The following AGBL4 variants were observed in gnomAD, a reference collection of about 807,000 sequenced individuals.
AGBL4 encodes the protein AGBL carboxypeptidase 4.
Under a neutral mutation model 66.4 loss-of-function variants are expected in AGBL4, and 58 were observed. The observed-to-expected ratio is 0.87, with a 90% confidence interval of 0.71 to 1.09. The LOEUF (loss-of-function observed/expected upper bound fraction) is 1.09. Ranked by LOEUF, AGBL4 falls within the 50% of genes least tolerant of loss-of-function variation. AGBL4 has a pLI of 0.00. For synonymous variants in AGBL4, 234 were observed against 222.9 expected, an observed-to-expected ratio of 1.05 and a Z score of -0.44; for missense variants, 579 against 631.0, an observed-to-expected ratio of 0.92 and a Z score of 0.88.
At chr1:49,631,454 T>C (rs951123123) in intron 3 of AGBL4, among the ~76,000 whole-genome samples, 3 of 152,188 alleles carry the variant, frequency 2.0e-5, no homozygotes, top group Non-Finnish European at 4.4e-5. Flanking sequence ...ACAGTCCTTG[T>C]AGACATGTTT....
intron 3 of AGBL4, among the ~76,000 whole-genome samples, chr1:49,508,558 C>T (rs2148777143): frequency 6.6e-6 from 1 of 152,046 alleles, no homozygotes; most frequent in African/African-American, 2.4e-5. Context: ...TATTGACCCA[C>T]AATGAGAGAG....
At chr1:49,657,951 G>A (rs1646180648) in intron 3 of AGBL4, among the ~76,000 whole-genome samples, 2 of 152,118 alleles carry the variant, frequency 1.3e-5, no homozygotes, top group Non-Finnish European at 2.9e-5. Context: ...GCATGGGCAA[G>A]GACTTCATGT....
chr1:48,837,642 G>A (rs1646706064), intron 6 of AGBL4, among the ~76,000 whole-genome samples: 1 of 148,368 alleles, frequency 6.7e-6, no homozygotes, highest in Non-Finnish European at 1.5e-5. Context: ...TTGTGATTGT[G>A]TGAGTTAATA....
At chr1:49,680,694 T>C (rs1219138115) in intron 3 of AGBL4, among the ~76,000 whole-genome samples, 2 of 152,126 alleles carry the variant, frequency 1.3e-5, no homozygotes, top group Non-Finnish European at 2.9e-5. Context: ...TGTCTTGCCA[T>C]GGTTTTATTT....
chr1:48,783,435 C>T (rs1645342604), intron 6 of AGBL4, among the ~76,000 whole-genome samples: 1 of 152,138 alleles, frequency 6.6e-6, no homozygotes, highest in Non-Finnish European at 1.5e-5. Flanking sequence ...GGCCAATGAA[C>T]ATCACCTGGA....
In AGBL4 at chr1:49,562,134, C is replaced by T. The variant is rs12032418; in HGVS notation, c.282+135179G>A. Among the ~76,000 whole-genome samples, 1,237 of 152,086 alleles carry T rather than the reference C, an allele frequency of 8.1e-3. 12 individuals are homozygous for T. The highest frequency in any genetic ancestry group is 0.031 in the Middle Eastern group (9 of 292). On this transcript the variant is annotated intron_variant, in intron 3 of 13. Transcript: ENST00000371839. ...TTGAGAAGTGTGGGTTCATATCCTT[C>T]GCCGACTTTTTAATGTGGTTGTTTG...
At chr1:49,212,948 T>C (rs1648787058) in intron 4 of AGBL4, among the ~76,000 whole-genome samples, 2 of 152,154 alleles carry the variant, frequency 1.3e-5, no homozygotes, top group Admixed American at 1.3e-4. Context: ...AGCATTTATT[T>C]TTATTTATTA....
chr1:48,757,131 G>A (rs1643976410), intron 6 of AGBL4, among the ~76,000 whole-genome samples: 1 of 152,162 alleles, frequency 6.6e-6, no homozygotes, highest in African/African-American at 2.4e-5. Flanking sequence ...TAGTTTCCCT[G>A]GGAGTTGAAT....
chr1:48,929,585 TC>T (rs1654870759), intron 5 of AGBL4, among the ~76,000 whole-genome samples: 1 of 152,226 alleles, frequency 6.6e-6, no homozygotes, highest in African/African-American at 2.4e-5. Context: ...AACTATATAT[TC>T]AATTAATGCC....
intron 5 of AGBL4, among the ~76,000 whole-genome samples, chr1:48,980,956 T>A (rs904721831): frequency 1.3e-5 from 2 of 151,848 alleles, no homozygotes; most frequent in Non-Finnish European, 2.9e-5. Context: ...GCTTGAAATA[T>A]TAGAAAGCTT....
At chr1:48,531,991 C>A (rs4550102), downstream of AGBL4, among the ~76,000 whole-genome samples, 70,254 of 151,866 alleles carry the variant, frequency 0.46, 17,043 homozygotes, top group Middle Eastern at 0.66. Context: ...TCCATGTTGG[C>A]CAGGCTGGTC....
In AGBL4 at chr1:49,313,127, T is replaced by C. The variant is rs59930425; in HGVS notation, c.283-67263A>G. Among the ~76,000 whole-genome samples the C allele has an allele frequency of 4.3e-4, 65 of 152,234 alleles. No homozygotes were observed. In the East Asian group the frequency reaches 6.8e-3, roughly 16 times the overall value. On this transcript the variant is annotated intron_variant, in intron 3 of 13. Coordinates refer to ENST00000371839, the MANE Select transcript of AGBL4 (RefSeq NM_032785.4). ...TTTATGAGTGAGAACATGCGGTGTT[T>C]GGTTTTCTCTTCTTGTTTTAGCTTG...
At chr1:49,657,388 C>T (rs1295336666) in intron 3 of AGBL4, among the ~76,000 whole-genome samples, 1 of 152,182 alleles carries the variant, frequency 6.6e-6, no homozygotes, top group Non-Finnish European at 1.5e-5. Flanking sequence ...ACATTCCATG[C>T]TCACGGATAG....
intron 3 of AGBL4, among the ~76,000 whole-genome samples, chr1:49,354,896 G>C (rs1482005570): frequency 6.6e-6 from 1 of 152,140 alleles, no homozygotes; most frequent in Non-Finnish European, 1.5e-5. Context: ...TATGTAGCTG[G>C]AGCCTATCCC....
At chr1:48,557,050 A>G (rs1223285506) in intron 11 of AGBL4, among the ~76,000 whole-genome samples, 2 of 152,084 alleles carry the variant, frequency 1.3e-5, no homozygotes, top group Admixed American at 1.3e-4. Flanking sequence ...TCGGCCTTTC[A>G]AACTGCTGGG....
intron 11 of AGBL4, among the ~76,000 whole-genome samples, chr1:48,555,189 CTT>C (rs11285905): frequency 0.014 from 2,139 of 148,862 alleles, 53 homozygotes; most frequent in African/African-American, 0.05. Context: ...GTAAGATTGT[CTT>C]TTTTTTTTTT....
intron 1 of AGBL4, among the ~76,000 whole-genome samples, chr1:49,979,386 G>A (rs1262724754): frequency 3.3e-5 from 5 of 151,602 alleles, no homozygotes; most frequent in African/African-American, 7.3e-5. Context: ...GCGTGAACCC[G>A]GGAAGCGGAG....
At chr1:49,168,666 T>C (rs1646677524) in intron 4 of AGBL4, among the ~76,000 whole-genome samples, 1 of 152,194 alleles carries the variant, frequency 6.6e-6, no homozygotes, top group Non-Finnish European at 1.5e-5. Flanking sequence ...TCTTGCTTCA[T>C]GCAACTCTTG....
In AGBL4 at chr1:48,849,479, T is replaced by G. The variant is rs1052106289; in HGVS notation, c.634+17712A>C. ...TGCTTTCTCTCAATTTCTATATTTA[T>G]CTCATTGTGGACAGTTTACACTCTG... On this transcript the variant is annotated intron_variant, in intron 6 of 13. Transcript: ENST00000371839. 2.6e-5 allele frequency among the ~76,000 whole-genome samples: 4 copies of G among 152,228 alleles called. 1 individual carries two copies. The highest frequency in any genetic ancestry group is 4.8e-5 in the African/African-American group (2 of 41,460).
Sources: allele counts gnomAD v4.1 joint callset (sites outside exome capture counted in the v4.1 genomes callset), GRCh38; gene constraint gnomAD v4.1.1; transcripts MANE v1.5; gene names NCBI Gene and HGNC (gene_info 2026-07-23, HGNC 2026-07-21).